Variants in KCNQ5 observed in about 807,000 individuals in gnomAD.
The protein encoded by KCNQ5 is potassium voltage-gated channel subfamily Q member 5.
Under a neutral mutation model 98.2 loss-of-function variants are expected in KCNQ5, and 30 were observed. The observed-to-expected ratio is 0.31, with a 90% confidence interval of 0.23 to 0.41. The LOEUF is 0.41. KCNQ5 is among the 10% of genes least tolerant of loss of function. The pLI, the probability that KCNQ5 is intolerant of heterozygous loss-of-function variation, is 1.00. For missense variants in KCNQ5, 835 were observed against 1,182.5 expected (o/e 0.71, Z 4.31); for synonymous variants, 458 against 449.4 (o/e 1.02, Z -0.24).
At chr6:72,833,363 A>G (rs1776364945) in intron 1 of KCNQ5, among the ~76,000 whole-genome samples, 1 of 152,190 alleles carries the variant, frequency 6.6e-6, no homozygotes, top group African/African-American at 2.4e-5. Context: ...CATCATAACA[A>G]CATTATTCAG....
chr6:73,136,500 T>C (rs1024291212), intron 10 of KCNQ5: 3 of 152,266 alleles, frequency 2.0e-5, no homozygotes, highest in Non-Finnish European at 4.4e-5. Context: ...GGTCATTTCA[T>C]ACGAGTACAG....
At chr6:73,034,067 G>A (rs1771281340) in intron 2 of KCNQ5, among the ~76,000 whole-genome samples, 1 of 152,124 alleles carries the variant, frequency 6.6e-6, no homozygotes, top group Non-Finnish European at 1.5e-5. Flanking sequence ...CCACATTTTG[G>A]TTTAAGTTTG....
intron 1 of KCNQ5, among the ~76,000 whole-genome samples, chr6:72,894,810 A>T (rs557896431): frequency 6.6e-6 from 1 of 152,286 alleles, no homozygotes; most frequent in South Asian, 2.1e-4. Flanking sequence ...ACCAAAAATC[A>T]CTTTTTGAGT....
At chr6:73,021,236 T>A (rs1770593921) in intron 2 of KCNQ5, among the ~76,000 whole-genome samples, 1 of 152,178 alleles carries the variant, frequency 6.6e-6, no homozygotes, top group African/African-American at 2.4e-5. Context: ...TCTGCTACAG[T>A]TGTTGGTTTC....
chr6:73,190,231 A>G (rs77226485), intron 11 of KCNQ5, among the ~76,000 whole-genome samples: 4,695 of 152,260 alleles, frequency 0.031, 94 homozygotes, highest in East Asian at 0.069. Flanking sequence ...CTATTACTAG[A>G]TGTTGTATCT....
chr6:73,161,990 C>G (rs1355840451), intron 10 of KCNQ5, among the ~76,000 whole-genome samples: 1 of 152,086 alleles, frequency 6.6e-6, no homozygotes, highest in African/African-American at 2.4e-5. Context: ...GATCTTGGCT[C>G]ACTGCAACCT....
At chr6:73,024,027 T>C (rs1770740951) in intron 2 of KCNQ5, among the ~76,000 whole-genome samples, 1 of 152,208 alleles carries the variant, frequency 6.6e-6, no homozygotes, top group Non-Finnish European at 1.5e-5. Context: ...TGCAGGATAC[T>C]AGCATCACTC....
chr6:72,698,874 G>A (rs937073259), intron 1 of KCNQ5, among the ~76,000 whole-genome samples: 7 of 151,728 alleles, frequency 4.6e-5, no homozygotes, highest in Admixed American at 6.6e-5. Flanking sequence ...GCCCAGGCTG[G>A]TCTCAAACTT....
intron 1 of KCNQ5, among the ~76,000 whole-genome samples, chr6:72,899,937 C>G (rs893010035): frequency 1.3e-5 from 2 of 152,108 alleles, no homozygotes; most frequent in African/African-American, 4.8e-5. Flanking sequence ...CCTCTGCCTC[C>G]CAGGTTCAAG....
In KCNQ5 at chr6:73,133,468, G is replaced by T; in HGVS notation, c.1295G>T (p.Gly432Val). 4 of 1,614,160 alleles carry T rather than the reference G, an allele frequency of 2.5e-6. No homozygotes were observed. The highest frequency in any genetic ancestry group is 3.4e-6 in the Non-Finnish European group (4 of 1,180,040). ...KERVRMASPR[G>V]QSIKSRQASV... ...CGAGTGCGCATGGCTAGCCCCAGGG[G>T]CCAGAGTATTAAGAGCCGACAAGCC... Residue 432 changes from glycine to valine, a missense_variant, in exon 10 of 14, where the codon GGC (glycine) becomes GTC (valine). This residue lies in a region of KCNQ5 where 146 missense variants were observed against 256.7 expected (regional missense o/e 0.57). Transcript: ENST00000370398.
intron 1 of KCNQ5, among the ~76,000 whole-genome samples, chr6:72,983,148 C>T (rs968731309): frequency 3.9e-5 from 6 of 152,060 alleles, no homozygotes; most frequent in Non-Finnish European, 7.4e-5. Context: ...AATTATGTGT[C>T]TTGGGGTTGT....
intron 1 of KCNQ5, among the ~76,000 whole-genome samples, chr6:72,954,730 C>T (rs1378470128): frequency 6.6e-6 from 1 of 152,148 alleles, no homozygotes; most frequent in Non-Finnish European, 1.5e-5. Flanking sequence ...CGCAGCCCTT[C>T]CCCAAACAGA....
At chr6:73,082,366 A>G (rs1430504189) in intron 5 of KCNQ5, among the ~76,000 whole-genome samples, 3 of 152,240 alleles carry the variant, frequency 2.0e-5, no homozygotes, top group African/African-American at 7.2e-5. Flanking sequence ...TTAATTTTAA[A>G]AAGTAAATTC....
At chr6:72,753,428 G>A (rs1488520408) in intron 1 of KCNQ5, among the ~76,000 whole-genome samples, 1 of 152,080 alleles carries the variant, frequency 6.6e-6, no homozygotes, top group African/African-American at 2.4e-5. Flanking sequence ...AGGTCTTTGT[G>A]TAGGGACTTT....
At chr6:72,815,992 A>G (rs937156630) in intron 1 of KCNQ5, among the ~76,000 whole-genome samples, 8 of 152,280 alleles carry the variant, frequency 5.3e-5, no homozygotes, top group African/African-American at 1.7e-4. Flanking sequence ...TGGAATTACC[A>G]AAGGAGAAAA....
intron 1 of KCNQ5, among the ~76,000 whole-genome samples, chr6:72,782,588 A>T (rs1191669717): frequency 1.3e-5 from 2 of 152,166 alleles, no homozygotes; most frequent in Non-Finnish European, 2.9e-5. Flanking sequence ...AAGCTCAGTG[A>T]TGAAGAAACT....
At chr6:72,830,427 C>T (rs545516270) in intron 1 of KCNQ5, among the ~76,000 whole-genome samples, 1 of 152,222 alleles carries the variant, frequency 6.6e-6, no homozygotes, top group Non-Finnish European at 1.5e-5. Context: ...AGAAATAATA[C>T]CACACATGTA....
chr6:73,051,299 T>G (rs1772223150), intron 3 of KCNQ5, among the ~76,000 whole-genome samples: 1 of 152,172 alleles, frequency 6.6e-6, no homozygotes. Context: ...AGCATGAGCG[T>G]GCACATGGAG....
chr6:72,784,920 G>C lies in KCNQ5; in HGVS notation c.398+162333G>C, dbSNP rs541924028. On this transcript the variant is annotated intron_variant, in intron 1 of 13. Coordinates refer to ENST00000370398, the MANE Select transcript of KCNQ5 (RefSeq NM_019842.4). Reference sequence around the variant, plus strand: ...ATGGATTCTGGATTAACCATTATGAGTCAAGCCCAAATTATCACATAATCA... The same window carrying C: ...ATGGATTCTGGATTAACCATTATGACTCAAGCCCAAATTATCACATAATCA... Among the ~76,000 whole-genome samples, 15 of 152,246 alleles carry C rather than the reference G, an allele frequency of 9.9e-5. No individual in the cohort carries two copies. The South Asian group carries it at 2.9e-3, about 29-fold the overall frequency.
Sources: gnomAD v4.1 joint callset for allele counts (sites outside exome capture counted in the v4.1 genomes callset) on GRCh38, gnomAD v4.1.1 for gene constraint, gnomAD v4.1.1 regional missense constraint, MANE v1.5 for transcripts, NCBI Gene and HGNC (gene_info 2026-07-23, HGNC 2026-07-21) for gene names.